Variants in CTDSPL observed in about 807,000 individuals in gnomAD.
CTDSPL encodes CTD small phosphatase-like protein.
In CTDSPL, 8 loss-of-function variants were observed where a neutral mutation model predicts 30.5. The observed-to-expected ratio is 0.26, with a 90% CI of 0.15 to 0.47. CTDSPL has a LOEUF of 0.47. CTDSPL is among the 20% of genes least tolerant of loss of function. The probability of loss-of-function intolerance (pLI) is 0.99; values close to 1 mark genes in which losing one functional copy is unlikely to be tolerated. For synonymous variants in CTDSPL, 110 were observed against 137.9 expected, an observed-to-expected ratio of 0.80 and a Z score of 1.42; for missense variants, 248 against 366.1, an observed-to-expected ratio of 0.68 and a Z score of 2.63.
intron 1 of CTDSPL, among the ~76,000 whole-genome samples, chr3:37,946,195 C>T (rs1481899142): frequency 1.3e-5 from 2 of 152,242 alleles, no homozygotes; most frequent in African/African-American, 4.8e-5. Flanking sequence ...GTCAGTCCTC[C>T]CCTGAGGGGT....
chr3:37,903,904 G>A (rs1325348734), intron 1 of CTDSPL, among the ~76,000 whole-genome samples: 2 of 152,226 alleles, frequency 1.3e-5, no homozygotes, highest in African/African-American at 4.8e-5. Flanking sequence ...CACCAGGCCA[G>A]CCTTTACTGC....
chr3:37,921,767 C>T (rs974132904), intron 1 of CTDSPL, among the ~76,000 whole-genome samples: 1 of 152,198 alleles, frequency 6.6e-6, no homozygotes, highest in Non-Finnish European at 1.5e-5. Context: ...AAGTGGTGTT[C>T]CCACTGCTGG....
intron 4 of CTDSPL, 103 bp from the exon 5 acceptor site, chr3:37,967,723 C>G (rs1253514391): frequency 3.9e-6 from 3 of 767,580 alleles, no homozygotes; most frequent in East Asian, 2.8e-5. Context: ...ACTGTTTTTT[C>G]CAATAACCAA....
At chr3:37,962,061 A>G (rs1376275814) in intron 3 of CTDSPL, among the ~76,000 whole-genome samples, 1 of 152,190 alleles carries the variant, frequency 6.6e-6, no homozygotes, top group Non-Finnish European at 1.5e-5. Flanking sequence ...GTCATTTTGT[A>G]TAAGAAAGAC....
chr3:37,886,313 TC>T (rs1698262738), intron 1 of CTDSPL, among the ~76,000 whole-genome samples: 1 of 152,106 alleles, frequency 6.6e-6, no homozygotes, highest in Admixed American at 6.6e-5. Context: ...AGACATGCCT[TC>T]CCATTTCCCT....
rs114982159 is a variant in CTDSPL at position 37,951,783 on chromosome 3, G to T, written c.234+4572G>T. The stretch of plus-strand genomic sequence containing the variant: ...AATAGATCTTTAAAATTCACAGAGG[G>T]AGTAAAGGAGAAGTAAACAAATTGA... On this transcript the variant is annotated intron_variant, in intron 2 of 7. Transcript: ENST00000273179. Among the ~76,000 whole-genome samples the T allele has an allele frequency of 3.8e-3, 576 of 152,170 alleles. 5 individuals carry two copies. The highest frequency in any genetic ancestry group is 5.6e-3 in the Admixed American group (86 of 15,288).
intron 1 of CTDSPL, among the ~76,000 whole-genome samples, chr3:37,864,593 C>T (rs1024273647): frequency 1.3e-5 from 2 of 151,972 alleles, no homozygotes; most frequent in African/African-American, 2.4e-5. Context: ...TTTTGGTTAC[C>T]TATAATGTCG....
At chr3:37,929,562 T>A (rs542991126) in intron 1 of CTDSPL, among the ~76,000 whole-genome samples, 1 of 152,242 alleles carries the variant, frequency 6.6e-6, no homozygotes, top group Non-Finnish European at 1.5e-5. Flanking sequence ...TGAGATTGTT[T>A]TCTTAATTTC....
chr3:37,871,283 T>C (rs1386005306), intron 1 of CTDSPL, among the ~76,000 whole-genome samples: 2 of 152,248 alleles, frequency 1.3e-5, no homozygotes, highest in African/African-American at 2.4e-5. Context: ...TTTTCATGGC[T>C]TGTTAACTTA....
intron 3 of CTDSPL, among the ~76,000 whole-genome samples, chr3:37,959,648 T>G (rs1575318218): frequency 6.6e-6 from 1 of 152,372 alleles, no homozygotes; most frequent in East Asian, 1.9e-4. Flanking sequence ...TGTTTCCACT[T>G]CTGTGCTATT....
intron 1 of CTDSPL, among the ~76,000 whole-genome samples, chr3:37,912,186 C>T (rs1042751460): frequency 3.9e-5 from 6 of 152,194 alleles, no homozygotes; most frequent in African/African-American, 9.7e-5. Flanking sequence ...TTCACAGCCC[C>T]GCAAGTGGGG....
chr3:37,926,429 A>C (rs1698782424), intron 1 of CTDSPL, among the ~76,000 whole-genome samples: 1 of 152,156 alleles, frequency 6.6e-6, no homozygotes, highest in South Asian at 2.1e-4. Flanking sequence ...CTTATTAAGG[A>C]ATTATTTTTC....
At chr3:37,893,096 G>T (rs900534512) in intron 1 of CTDSPL, among the ~76,000 whole-genome samples, 3 of 152,218 alleles carry the variant, frequency 2.0e-5, no homozygotes, top group African/African-American at 7.2e-5. Context: ...GCCACCAACC[G>T]TGGAGTGGAC....
chr3:37,869,471 A>G (rs969638460), intron 1 of CTDSPL, among the ~76,000 whole-genome samples: 2 of 152,100 alleles, frequency 1.3e-5, no homozygotes, highest in Non-Finnish European at 2.9e-5. Flanking sequence ...CTTGTATCCT[A>G]TGACCTTGCT....
At chr3:37,910,097 G>C (rs775895526) in intron 1 of CTDSPL, among the ~76,000 whole-genome samples, 2 of 152,174 alleles carry the variant, frequency 1.3e-5, no homozygotes, top group Non-Finnish European at 2.9e-5. Flanking sequence ...TCCCTCAGAG[G>C]GTTGTTGTAA....
intron 1 of CTDSPL, among the ~76,000 whole-genome samples, chr3:37,895,736 A>G (rs1435969211): frequency 3.3e-5 from 5 of 152,208 alleles, no homozygotes; most frequent in African/African-American, 1.2e-4. Context: ...TGGAAAACCT[A>G]GTCTATGGTA....
At position 37,896,026 on chromosome 3, in the gene CTDSPL, T is replaced by C. The variant is rs539896269; in HGVS notation, c.79+33748T>C. ...GAAATGCAGTTGGTTGAGGCTTCAT[T>C]GGGATCTGCTTTTATAAACAGACAA... On this transcript the variant is annotated intron_variant, in intron 1 of 7. Coordinates refer to ENST00000273179, the MANE Select transcript of CTDSPL (RefSeq NM_001008392.2). Among the ~76,000 whole-genome samples the C allele has an allele frequency of 2.6e-5, 4 of 152,316 alleles. No homozygotes were observed. The South Asian group carries it at 8.3e-4, about 32-fold the overall frequency.
chr3:37,884,317 G>A (rs1227441776), intron 1 of CTDSPL, among the ~76,000 whole-genome samples: 7 of 152,210 alleles, frequency 4.6e-5, no homozygotes, highest in Non-Finnish European at 8.8e-5. Context: ...AGCATATACA[G>A]TGTAGGCTCT....
intron 1 of CTDSPL, among the ~76,000 whole-genome samples, chr3:37,894,625 C>T (rs1391952218): frequency 6.6e-6 from 1 of 152,078 alleles, no homozygotes; most frequent in Non-Finnish European, 1.5e-5. Flanking sequence ...GACTTTGCAG[C>T]CATTAAAAAA....
Sources: gnomAD v4.1 joint callset for allele counts (sites outside exome capture counted in the v4.1 genomes callset) on GRCh38, gnomAD v4.1.1 for gene constraint, MANE v1.5 for transcripts, NCBI Gene and HGNC (gene_info 2026-07-23, HGNC 2026-07-21) for gene names.